INPP5A: variants seen among roughly 807,000 people sequenced by gnomAD.
INPP5A encodes inositol polyphosphate-5-phosphatase A.
Under a neutral mutation model 65.2 loss-of-function variants are expected in INPP5A, and 14 were observed. The observed-to-expected ratio is 0.21, with a 90% confidence interval of 0.14 to 0.34. The LOEUF (loss-of-function observed/expected upper bound fraction) is 0.34, where lower values mean the gene tolerates loss of function less well. INPP5A is among the 10% of genes least tolerant of loss of function. The pLI is 1.00. For synonymous variants in INPP5A, 207 were observed against 208.3 expected, an observed-to-expected ratio of 0.99 and a Z score of 0.05; for missense variants, 431 against 545.6, an observed-to-expected ratio of 0.79 and a Z score of 2.09.
At chr10:132,691,481 G>T (rs1350819277) in intron 5 of INPP5A, among the ~76,000 whole-genome samples, 1 of 152,270 alleles carries the variant, frequency 6.6e-6, no homozygotes, top group Admixed American at 6.5e-5. Flanking sequence ...TGTGCTGCAG[G>T]AAGCTGGAGC....
In INPP5A at chr10:132,714,788, G is replaced by A. The variant is rs549951108; in HGVS notation, c.647+4332G>A. 2.1e-3 allele frequency among the ~76,000 whole-genome samples: 322 copies of A among 152,362 alleles called. 4 individuals carry two copies. Among genetic ancestry groups the A allele is most frequent in the African/African-American group, 7.4e-3 (308 of 41,586 alleles). On this transcript the variant is annotated intron_variant, in intron 8 of 15. Coordinates refer to ENST00000368594, the MANE Select transcript of INPP5A (RefSeq NM_005539.5). ...GAAGCAGCCCCAGGGCGAGTGCTGC[G>A]GGGTGCCTGCCACCACCACAGCCAG...
At chr10:132,757,770 TCC>T (rs1449863757) in intron 11 of INPP5A, among the ~76,000 whole-genome samples, 2 of 123,262 alleles carry the variant, frequency 1.6e-5, no homozygotes, top group African/African-American at 5.7e-5. Flanking sequence ...ATGTCGTGGG[TCC>T]CTGGCTGACC....
chr10:132,725,808 G>A (rs113685992), intron 8 of INPP5A, among the ~76,000 whole-genome samples: 5,114 of 152,318 alleles, frequency 0.034, 278 homozygotes, highest in African/African-American at 0.11. Context: ...TGTGCTGCCT[G>A]CCCCTGCCCT....
chr10:132,750,566 G>A (rs3902976), intron 11 of INPP5A, among the ~76,000 whole-genome samples: 9,044 of 152,304 alleles, frequency 0.059, 371 homozygotes, highest in Non-Finnish European at 0.087. Context: ...ATTTTTTATT[G>A]TGGTCTACTT....
intron 4 of INPP5A, among the ~76,000 whole-genome samples, chr10:132,686,286 G>A (rs570233464): frequency 2.0e-5 from 3 of 152,242 alleles, no homozygotes; most frequent in Admixed American, 6.5e-5. Context: ...TGCAGTCCTC[G>A]CAGAAGCATC....
At chr10:132,653,836 G>GC (rs1209573872) in intron 4 of INPP5A, among the ~76,000 whole-genome samples, 9 of 152,274 alleles carry the variant, frequency 5.9e-5, no homozygotes, top group Admixed American at 1.3e-4. Context: ...GGAGCACGGC[G>GC]CCCCCCGTCA....
At position 132,749,428 on chromosome 10, in the gene INPP5A, T is replaced by C. The variant is rs1324954385; in HGVS notation, c.733-89T>C. ...ACCAGCTGCTGTCTGGAACCAGCCA[T>C]CCTATCCCACTGACTCGGGGTGTCG... On this transcript the variant is annotated intron_variant, in intron 9 of 15. Coordinates refer to ENST00000368594, the MANE Select transcript of INPP5A (RefSeq NM_005539.5). 67 of 1,202,902 alleles carry C rather than the reference T, an allele frequency of 5.6e-5. No homozygotes were observed. In the Admixed American group the frequency reaches 1.3e-3, roughly 23 times the overall value. The allele number at this position is 1,202,902 out of a possible 1,614,324, so 74.5% of individuals were successfully genotyped here. A position where few individuals can be genotyped will look rare whatever the true frequency, so the allele number is the denominator to read the frequency against.
Position 132,721,481 on chromosome 10 carries a change from T to G in INPP5A, c.648-5340T>G, listed in dbSNP as rs183127522. On this transcript the variant is annotated intron_variant, in intron 8 of 15. Transcript: ENST00000368594. ...TGTCTGGGCGCCTTAGACGGCTGTC[T>G]TCAGGGTTCTGTGGTGCCTGGGTTC... Among the ~76,000 whole-genome samples the G allele has an allele frequency of 7.6e-4, 115 of 151,796 alleles. No individual in the cohort carries two copies. The Middle Eastern group carries it at 0.01, about 14-fold the overall frequency.
intron 1 of INPP5A, among the ~76,000 whole-genome samples, chr10:132,596,918 TGTGCGCGCATGTGCAC>T (rs1340961822): frequency 3.6e-4 from 8 of 21,962 alleles, no homozygotes; most frequent in Non-Finnish European, 2.0e-3. Context: ...TGTGTGCATG[TGTGCGCGCATGTGCAC>T]GCATGTGTGC....
chr10:132,598,794 G>A (rs1385478415), intron 1 of INPP5A, among the ~76,000 whole-genome samples: 4 of 152,186 alleles, frequency 2.6e-5, no homozygotes, highest in East Asian at 1.9e-4. Context: ...TTATAGTTCC[G>A]CATGGCTGGA....
intron 8 of INPP5A, among the ~76,000 whole-genome samples, chr10:132,711,276 C>T (rs1845632905): frequency 2.6e-5 from 4 of 152,158 alleles, no homozygotes; most frequent in Admixed American, 2.6e-4. Flanking sequence ...CAGGGGACCC[C>T]CATTGGTGGG....
At position 132,650,932 on chromosome 10, in the gene INPP5A, G is replaced by C. The variant is rs531372408; in HGVS notation, c.306+427G>C. ...TCCCTTCCTGATCCCTGAGTGTGCA[G>C]GGCTGGGGCGGTGTCCTGCCTCGGA... On this transcript the variant is annotated intron_variant, in intron 4 of 15. Transcript: ENST00000368594. This position sits in a 1 kb window ranked among gnomAD's most constrained non-coding sequence, Gnocchi z 5.5. Among the ~76,000 whole-genome samples the C allele has an allele frequency of 2.6e-5, 4 of 152,332 alleles. No individual in the cohort carries two copies. The East Asian group carries it at 5.8e-4, about 22-fold the overall frequency.
chr10:132,769,049 G>A (rs1013933576), intron 12 of INPP5A, among the ~76,000 whole-genome samples: 9 of 152,236 alleles, frequency 5.9e-5, no homozygotes, highest in Admixed American at 1.3e-4. Flanking sequence ...GGATACAGCC[G>A]CACCCGGGGC....
At chr10:132,713,517 A>G (rs1590947566) in intron 8 of INPP5A, among the ~76,000 whole-genome samples, 2 of 152,202 alleles carry the variant, frequency 1.3e-5, no homozygotes, top group South Asian at 4.1e-4. Context: ...ATTAGCGGGT[A>G]TATGGCCTTG....
At chr10:132,703,508 CA>C (rs1161771787) in intron 6 of INPP5A, among the ~76,000 whole-genome samples, 5 of 131,838 alleles carry the variant, frequency 3.8e-5, no homozygotes, top group East Asian at 2.2e-4. Flanking sequence ...TCTTCACCCA[CA>C]CACACACACA....
rs1256051903 is a variant in INPP5A at position 132,678,550 on chromosome 10, C to T, written c.307-11842C>T. Among the ~76,000 whole-genome samples, 2 of 152,096 alleles carry T rather than the reference C, an allele frequency of 1.3e-5. No individual in the cohort carries two copies. Among genetic ancestry groups the T allele is most frequent in the African/African-American group, 4.8e-5 (2 of 41,414 alleles). On this transcript the variant is annotated intron_variant, in intron 4 of 15. Coordinates refer to ENST00000368594, the MANE Select transcript of INPP5A (RefSeq NM_005539.5). The surrounding 1 kb of genome is among the most constrained non-coding windows in gnomAD (Gnocchi z 4.1). ...TTGAGACCTGAGCTGAGGGTTCTGTCCAGCGGTCCTGAGCTGCTGCTGCTC... is the reference window on the plus strand; with the variant it reads ...TTGAGACCTGAGCTGAGGGTTCTGTTCAGCGGTCCTGAGCTGCTGCTGCTC...
chr10:132,648,803 T>G (rs2072533621), intron 3 of INPP5A, among the ~76,000 whole-genome samples: 1 of 152,256 alleles, frequency 6.6e-6, no homozygotes, highest in Non-Finnish European at 1.5e-5. Context: ...AGGTTTTGTC[T>G]TTATAGCTGG....
At chr10:132,702,717 G>GCGCTTGC (rs1285405516) in intron 6 of INPP5A, among the ~76,000 whole-genome samples, 1 of 152,216 alleles carries the variant, frequency 6.6e-6, no homozygotes, top group African/African-American at 2.4e-5. Flanking sequence ...CACATGGGAA[G>GCGCTTGC]CGCTTGCCTC....
intron 2 of INPP5A, among the ~76,000 whole-genome samples, chr10:132,635,934 C>T (rs1333466224): frequency 6.8e-6 from 1 of 146,462 alleles, no homozygotes; most frequent in Non-Finnish European, 1.5e-5. Flanking sequence ...GCTGTGATCA[C>T]ACCACAGCAC....
Sources: gnomAD v4.1 joint callset for allele counts (sites outside exome capture counted in the v4.1 genomes callset) on GRCh38, gnomAD v4.1.1 for gene constraint, Gnocchi (gnomAD v3.1) non-coding constraint, MANE v1.5 for transcripts, NCBI Gene and HGNC (gene_info 2026-07-23, HGNC 2026-07-21) for gene names.